The following ARHGEF25 variants were observed in gnomAD, a reference collection of about 807,000 sequenced individuals.
The protein encoded by ARHGEF25 is Rho guanine nucleotide exchange factor 25.
ARHGEF25 carries 42 observed loss-of-function variants against 74.0 expected under a neutral mutation model. The observed-to-expected ratio is 0.57, with a 90% CI of 0.44 to 0.73. The LOEUF (loss-of-function observed/expected upper bound fraction) is 0.73. Among genes scored for constraint, ARHGEF25 ranks in the 30% least tolerant of loss-of-function variants. The probability of loss-of-function intolerance (pLI) is 0.00; values close to 1 mark genes in which losing one functional copy is unlikely to be tolerated. For synonymous variants in ARHGEF25, 293 were observed against 278.6 expected (o/e 1.05, Z -0.51); for missense variants, 645 against 725.5 (o/e 0.89, Z 1.27).
chr12:57,612,681 T>C, intron 1 of ARHGEF25: 1 of 1,368,492 alleles, frequency 7.3e-7, no homozygotes, highest in Non-Finnish European at 9.5e-7. Flanking sequence ...GCTCAGGATA[T>C]GGGGAACCTC....
rs1215793292 is a variant in ARHGEF25, at chr12:57,612,920, C to T, written c.98-10C>T. On this transcript the variant is annotated splice_polypyrimidine_tract_variant and intron_variant, in intron 1 of 14. Coordinates refer to ENST00000286494, the MANE Select transcript of ARHGEF25 (RefSeq NM_182947.4). Reference sequence around the variant, plus strand: ...AGGTCTATCACCTCCTCTCTTTTTCCTCCCATTAGAATCCTATTCCATTGC... The same window carrying T: ...AGGTCTATCACCTCCTCTCTTTTTCTTCCCATTAGAATCCTATTCCATTGC... 1.2e-6 allele frequency: 2 copies of T among 1,610,360 alleles called. No individual in the cohort carries two copies. Among genetic ancestry groups the T allele is most frequent in the Admixed American group, 3.3e-5 (2 of 59,706 alleles).
rs1264836005 is a variant in ARHGEF25 at position 57,616,982 on chromosome 12, CCT to C, written c.*90_*91del. The C allele has an allele frequency of 9.5e-6, 10 of 1,052,194 alleles. No homozygotes were observed. The African/African-American group carries it at 1.4e-4, about 15-fold the overall frequency. The allele number at this position is 1,052,194 out of a possible 1,614,324, so 65.2% of individuals were successfully genotyped here. A position where few individuals can be genotyped will look rare whatever the true frequency, so the allele number is the denominator to read the frequency against. The stretch of plus-strand genomic sequence containing the variant: ...GTCCTTCTGGCACTGCTCCAGAATT[CCT>C]CCTTCTTGGTGTGTCTGGAGGGTGG... On this transcript the variant is annotated 3_prime_UTR_variant, in exon 15 of 15. Transcript: ENST00000286494.
chr12:57,616,157 C>A, intron 13 of ARHGEF25, 127 bp from the exon 14 acceptor site: 2 of 1,446,126 alleles, frequency 1.4e-6, no homozygotes, highest in Non-Finnish European at 1.9e-6. Flanking sequence ...TTGATAGAAT[C>A]CCCTAAAGCC....
At chr12:57,615,065 C>G in intron 10 of ARHGEF25, 48 bp downstream of exon 10, 1 of 1,607,448 alleles carries the variant, frequency 6.2e-7, no homozygotes, top group Admixed American at 1.7e-5. Flanking sequence ...CCTTATCCTC[C>G]TAGTATCTCA....
chr12:57,616,434 C>A lies in ARHGEF25; in HGVS notation c.1571C>A (p.Pro524His), dbSNP rs759557573. Residue 524 changes from proline to histidine, a missense_variant, in exon 14 of 15, where the codon CCC becomes CAC. This residue lies in a region of ARHGEF25 where 262 missense variants were observed against 256.9 expected (regional missense o/e 1.02). Coordinates refer to ENST00000286494, the MANE Select transcript of ARHGEF25 (RefSeq NM_182947.4). ...STHTPINGSLPSLLLSPKGEV... is the reference protein window; with the variant it reads ...STHTPINGSLHSLLLSPKGEV... ...CACACACCCATCAATGGCTCTCTCC[C>A]CTCTCTGCTGCTGTCACCCAAAGGG... 6 of 1,614,186 alleles carry A rather than the reference C, an allele frequency of 3.7e-6. No homozygotes were observed. The highest frequency in any genetic ancestry group is 5.1e-6 in the Non-Finnish European group (6 of 1,180,034).
Position 57,611,729 on chromosome 12 carries a change from C to T in ARHGEF25, c.-166C>T, listed in dbSNP as rs1292022485. Reference sequence around the variant, plus strand: ...AGCCCTCCTCAAGACTAGACTTCCGCCTACCCCTGGACACCTCCTCCCGGT... The same window carrying T: ...AGCCCTCCTCAAGACTAGACTTCCGTCTACCCCTGGACACCTCCTCCCGGT... On this transcript the variant is annotated 5_prime_UTR_variant, in exon 1 of 15. Coordinates refer to ENST00000286494, the MANE Select transcript of ARHGEF25 (RefSeq NM_182947.4). This position sits in a 1 kb window ranked among gnomAD's most constrained non-coding sequence, Gnocchi z 4.5. 2.5e-6 allele frequency: 3 copies of T among 1,187,168 alleles called. No individual in the cohort carries two copies. The highest frequency in any genetic ancestry group is 3.2e-5 in the African/African-American group (2 of 62,930). 73.5% of individuals were successfully genotyped at this position (1,187,168 alleles called of 1,614,324 possible).
intron 1 of ARHGEF25, 162 bp downstream of exon 1, chr12:57,612,153 T>A (rs1884082982): frequency 2.3e-6 from 1 of 442,334 alleles, no homozygotes. Flanking sequence ...GCCTCCAAAT[T>A]TCTGTTAGTT....
intron 1 of ARHGEF25, chr12:57,612,205 T>G: frequency 3.0e-6 from 1 of 331,052 alleles, no homozygotes. Context: ...ACTCATCTCT[T>G]TCCCTTTGTC....
chr12:57,612,708 T>C, intron 1 of ARHGEF25: 1 of 1,423,564 alleles, frequency 7.0e-7, no homozygotes, highest in Non-Finnish European at 9.2e-7. Context: ...TAACTGGGGG[T>C]TCCAGGCCTG....
chr12:57,611,118 G>A (rs1412567520), upstream of ARHGEF25, among the ~76,000 whole-genome samples: 1 of 152,246 alleles, frequency 6.6e-6, no homozygotes. This position sits in a 1 kb window ranked among gnomAD's most constrained non-coding sequence, Gnocchi z 4.5. Context: ...CTTCGCACAG[G>A]CCAAGGCCCC....
At chr12:57,610,684 G>A (rs1379893735), upstream of ARHGEF25, 2 of 1,605,534 alleles carry the variant, frequency 1.2e-6, no homozygotes, top group African/African-American at 1.3e-5. Context: ...TCTGCAGCCC[G>A]GTAAGAAGCT....
In ARHGEF25 at chr12:57,615,330, A is replaced by G. The variant is rs376099118; in HGVS notation, c.1038+16A>G. 17 of 1,596,982 alleles carry G rather than the reference A, an allele frequency of 1.1e-5. No individual in the cohort carries two copies. The African/African-American group carries it at 2.3e-4, about 22-fold the overall frequency. On this transcript the variant is annotated intron_variant, in intron 11 of 14. Coordinates refer to ENST00000286494, the MANE Select transcript of ARHGEF25 (RefSeq NM_182947.4). The stretch of plus-strand genomic sequence containing the variant: ...GGGATTTGAGGTACGGAGATAGGGC[A>G]AGAAACTGGAGGCCCGATGCTCTTC...
Position 57,611,601 on chromosome 12 carries a change from A to G in ARHGEF25, c.-294A>G. 2 of 992,914 alleles carry G rather than the reference A, an allele frequency of 2.0e-6. No individual in the cohort carries two copies. The highest frequency in any genetic ancestry group is 2.4e-6 in the Non-Finnish European group (2 of 839,890). 61.5% of individuals were successfully genotyped at this position (992,914 alleles called of 1,614,324 possible). ...CTCCCCTACCATCCCTCCCCCTTCC[A>G]CTGGACATCTGGACCCTAGGCCCCC... On this transcript the variant is annotated 5_prime_UTR_variant, in exon 1 of 15. Transcript: ENST00000286494. This position sits in a 1 kb window ranked among gnomAD's most constrained non-coding sequence, Gnocchi z 4.5.
rs1465255981 is a variant in ARHGEF25, at chr12:57,615,927, T to C, written c.1330T>C (p.Tyr444His). Residue 444 changes from tyrosine to histidine, a missense_variant, in exon 13 of 15, where the codon TAT becomes CAT. Transcript: ENST00000286494. ...SRGPEGGIQR[Y>H]VLQAADPAIS... ...AGGGCCAGAGGGTGGGATCCAGCGC[T>C]ATGTCCTGCAGGCTGCAGACCCTGC... is the stretch of plus-strand genomic sequence containing the variant. The C allele has an allele frequency of 1.2e-6, 2 of 1,614,194 alleles. No individual in the cohort carries two copies. The highest frequency in any genetic ancestry group is 1.3e-5 in the African/African-American group (1 of 75,058).
chr12:57,611,693 C>G lies in ARHGEF25; in HGVS notation c.-202C>G. 8.7e-7 allele frequency: 1 copy of G among 1,149,156 alleles called. No individual in the cohort carries two copies. Among genetic ancestry groups the G allele is most frequent in the East Asian group, 4.0e-5 (1 of 24,892 alleles). 71.2% of individuals were successfully genotyped at this position (1,149,156 alleles called of 1,614,324 possible). ...GGCCGGGCCCCGCGCCTCTCTCTCT[C>G]TAGAGCCCCCAGCCCTCCTCAAGAC... On this transcript the variant is annotated 5_prime_UTR_variant, in exon 1 of 15. Coordinates refer to ENST00000286494, the MANE Select transcript of ARHGEF25 (RefSeq NM_182947.4). This position sits in a 1 kb window ranked among gnomAD's most constrained non-coding sequence, Gnocchi z 4.5.
At chr12:57,615,741 GGA>G (rs776135785) in intron 12 of ARHGEF25, 29 bp downstream of exon 12, 2 of 1,613,704 alleles carry the variant, frequency 1.2e-6, no homozygotes, top group Non-Finnish European at 1.7e-6. Flanking sequence ...GGGAGGGCTT[GGA>G]GAGAGAGAGG....
upstream of ARHGEF25, chr12:57,610,159 G>GC (rs1406857085): frequency 2.1e-6 from 2 of 954,022 alleles, no homozygotes; most frequent in East Asian, 2.7e-5. Flanking sequence ...AGGCCTCAAA[G>GC]CCCCCCAGCT....
intron 1 of ARHGEF25, 90 bp downstream of exon 1, chr12:57,612,081 G>A (rs553722293): frequency 3.1e-4 from 318 of 1,023,412 alleles, no homozygotes; most frequent in Non-Finnish European, 1.9e-4. Context: ...GGGATTTAGG[G>A]TTGGAGACTG....
Position 57,612,003 on chromosome 12 carries a change from G to A in ARHGEF25, c.97+12G>A. 7.7e-7 allele frequency: 1 copy of A among 1,302,288 alleles called. No homozygotes were observed. Among genetic ancestry groups the A allele is most frequent in the Middle Eastern group, 2.0e-4 (1 of 4,886 alleles). The allele number at this position is 1,302,288 out of a possible 1,614,324, so 80.7% of individuals were successfully genotyped here. ...CCGGGGGGGACGTGGTGAGTGCCAG[G>A]TCGAGAGGGTCCAGTGTTGAGTGGG... On this transcript the variant is annotated intron_variant, in intron 1 of 14. Coordinates refer to ENST00000286494, the MANE Select transcript of ARHGEF25 (RefSeq NM_182947.4).
Sources: allele counts gnomAD v4.1 joint callset (sites outside exome capture counted in the v4.1 genomes callset), GRCh38; gene constraint gnomAD v4.1.1; regional missense constraint gnomAD v4.1.1; non-coding constraint Gnocchi (gnomAD v3.1); transcripts MANE v1.5; gene names NCBI Gene and HGNC (gene_info 2026-07-23, HGNC 2026-07-21).